The following CACNA2D3 variants were observed in gnomAD, a reference collection of about 807,000 sequenced individuals.
CACNA2D3 encodes the protein calcium voltage-gated channel auxiliary subunit alpha2delta 3.
A neutral mutation model predicts 160.6 loss-of-function variants in CACNA2D3; 60 were observed. The ratio of observed to expected loss-of-function variants is 0.37; its 90% CI spans 0.30 to 0.46. The LOEUF is 0.46. Among genes scored for constraint, CACNA2D3 ranks in the 20% least tolerant of loss-of-function variants. The probability of loss-of-function intolerance (pLI) is 1.00; values close to 1 mark genes in which losing one functional copy is unlikely to be tolerated. For missense variants in CACNA2D3, 1,205 were observed against 1,365.0 expected (o/e 0.88, Z 1.85); for synonymous variants, 558 against 492.9 (o/e 1.13, Z -1.75).
intron 29 of CACNA2D3, among the ~76,000 whole-genome samples, chr3:54,983,506 G>A (rs553611998): frequency 5.8e-4 from 89 of 152,346 alleles, no homozygotes; most frequent in African/African-American, 2.1e-3. Context: ...GGTTACTCAA[G>A]TAATTCATCT....
intron 2 of CACNA2D3, among the ~76,000 whole-genome samples, chr3:54,230,218 A>G (rs767157498): frequency 1.3e-5 from 2 of 152,154 alleles, no homozygotes; most frequent in Non-Finnish European, 2.9e-5. Context: ...TGAATTTAAA[A>G]GGCAGCATAG....
intron 10 of CACNA2D3, among the ~76,000 whole-genome samples, chr3:54,640,448 A>G (rs967153499): frequency 2.0e-5 from 3 of 152,146 alleles, no homozygotes; most frequent in Admixed American, 1.3e-4. Context: ...CATTAATAGC[A>G]TTAATTAAGG....
chr3:54,833,580 G>C (rs1315416520), intron 14 of CACNA2D3, among the ~76,000 whole-genome samples: 1 of 151,634 alleles, frequency 6.6e-6, no homozygotes, highest in African/African-American at 2.4e-5. Context: ...ACTTCTGCTT[G>C]GTGGTCTGGG....
chr3:54,434,677 C>T (rs1323426401), intron 4 of CACNA2D3, among the ~76,000 whole-genome samples: 1 of 152,202 alleles, frequency 6.6e-6, no homozygotes. Flanking sequence ...GGGCCAGACA[C>T]AGTCAGGGGT....
chr3:54,344,921 A>T (rs1279257555), intron 3 of CACNA2D3, among the ~76,000 whole-genome samples: 4 of 152,160 alleles, frequency 2.6e-5, no homozygotes, highest in Non-Finnish European at 5.9e-5. Flanking sequence ...GCCAGCCAAA[A>T]CCCACCAAAA....
At chr3:54,328,384 C>T (rs1009503055) in intron 3 of CACNA2D3, among the ~76,000 whole-genome samples, 3 of 152,278 alleles carry the variant, frequency 2.0e-5, no homozygotes, top group Non-Finnish European at 4.4e-5. Flanking sequence ...CGGGTTCAAG[C>T]AACTCTCCTG....
At chr3:54,566,456 G>A (rs945347370) in intron 6 of CACNA2D3, among the ~76,000 whole-genome samples, 5 of 152,148 alleles carry the variant, frequency 3.3e-5, no homozygotes, top group South Asian at 2.1e-4. Context: ...TGTGGGACCC[G>A]TTTTCTACCT....
At chr3:54,298,680 G>A (rs2107486852) in intron 2 of CACNA2D3, among the ~76,000 whole-genome samples, 1 of 152,186 alleles carries the variant, frequency 6.6e-6, no homozygotes, top group Admixed American at 6.5e-5. Flanking sequence ...CATACCTGTA[G>A]TCCCAGCTAT....
intron 11 of CACNA2D3, among the ~76,000 whole-genome samples, chr3:54,739,174 C>T (rs1211469092): frequency 6.6e-6 from 1 of 151,714 alleles, no homozygotes; most frequent in Non-Finnish European, 1.5e-5. Flanking sequence ...TGTGGAGGCA[C>T]TTGGGGAGGC....
intron 27 of CACNA2D3, among the ~76,000 whole-genome samples, chr3:54,948,576 A>G (rs1701674786): frequency 6.6e-6 from 1 of 152,228 alleles, no homozygotes; most frequent in African/African-American, 2.4e-5. Context: ...GATGATGGTC[A>G]TGGTTGCCAG....
intron 27 of CACNA2D3, among the ~76,000 whole-genome samples, chr3:54,963,583 G>A (rs1702080959): frequency 6.6e-6 from 1 of 152,320 alleles, no homozygotes; most frequent in East Asian, 1.9e-4. Context: ...CACAGGATCA[G>A]AGCATTCAAG....
chr3:54,928,764 A>T (rs935953257), intron 27 of CACNA2D3, among the ~76,000 whole-genome samples: 3 of 151,510 alleles, frequency 2.0e-5, no homozygotes, highest in African/African-American at 7.3e-5. Context: ...CTTAAGAAAT[A>T]CTTCTTAATC....
At chr3:54,194,822 A>C (rs1433038197) in intron 2 of CACNA2D3, among the ~76,000 whole-genome samples, 1 of 152,224 alleles carries the variant, frequency 6.6e-6, no homozygotes, top group Non-Finnish European at 1.5e-5. Context: ...CAAAGCCCTC[A>C]TGATTTAATC....
chr3:54,548,206 A>G (rs1280743260), intron 5 of CACNA2D3, among the ~76,000 whole-genome samples: 17 of 152,168 alleles, frequency 1.1e-4, no homozygotes, highest in Non-Finnish European at 2.9e-5. Flanking sequence ...GTCCTGCCCA[A>G]CACCTGTGTG....
At chr3:54,446,004 A>C (rs1326963796) in intron 4 of CACNA2D3, among the ~76,000 whole-genome samples, 1 of 152,164 alleles carries the variant, frequency 6.6e-6, no homozygotes, top group Non-Finnish European at 1.5e-5. Flanking sequence ...GAAAGAATGG[A>C]TGAAGCAGGT....
At chr3:54,578,222 A>G (rs182725136) in intron 8 of CACNA2D3, among the ~76,000 whole-genome samples, 2 of 152,306 alleles carry the variant, frequency 1.3e-5, no homozygotes, top group East Asian at 3.9e-4. Flanking sequence ...GCTGGTGATG[A>G]TGTACATTGT....
intron 11 of CACNA2D3, among the ~76,000 whole-genome samples, chr3:54,669,230 A>G (rs999974280): frequency 2.6e-5 from 4 of 152,112 alleles, no homozygotes; most frequent in Admixed American, 2.0e-4. Flanking sequence ...AATACTTTTC[A>G]CAATTTCATT....
In CACNA2D3 at chr3:54,631,203, AACACACACAC is replaced by A. The variant is rs67944483; in HGVS notation, c.1053+3351_1053+3360del. On this transcript the variant is annotated intron_variant, in intron 10 of 37. Coordinates refer to ENST00000474759, the MANE Select transcript of CACNA2D3 (RefSeq NM_018398.3). ...TGGGTGACAGAGCGAGACTCCATCA[AACACACACAC>A]ACACACACACACACACACACACAAA... is the stretch of plus-strand genomic sequence containing the variant. 2.2e-3 allele frequency among the ~76,000 whole-genome samples: 323 copies of A among 145,878 alleles called. 1 individual carries two copies. The highest frequency in any genetic ancestry group is 7.6e-3 in the African/African-American group (296 of 38,808).
intron 11 of CACNA2D3, among the ~76,000 whole-genome samples, chr3:54,734,046 T>G (rs1055749397): frequency 6.6e-6 from 1 of 151,840 alleles, no homozygotes; most frequent in African/African-American, 2.4e-5. Flanking sequence ...GATAATAGTT[T>G]TGGGGAACTA....
Sources: gnomAD v4.1 joint callset for allele counts (sites outside exome capture counted in the v4.1 genomes callset) on GRCh38, gnomAD v4.1.1 for gene constraint, MANE v1.5 for transcripts, NCBI Gene and HGNC (gene_info 2026-07-23, HGNC 2026-07-21) for gene names.